The following XPR1 variants were observed in gnomAD, a reference collection of about 807,000 sequenced individuals.
XPR1 encodes the protein solute carrier family 53 member 1.
In XPR1, 28 loss-of-function variants were observed where a neutral mutation model predicts 87.5. The observed-to-expected ratio is 0.32, with a 90% CI of 0.24 to 0.44. XPR1 has a LOEUF of 0.44. Among genes scored for constraint, XPR1 ranks in the 20% least tolerant of loss-of-function variants. The pLI is 1.00. For missense variants in XPR1, 559 were observed against 862.3 expected, an observed-to-expected ratio of 0.65 and a Z score of 4.41; for synonymous variants, 300 against 306.1, an observed-to-expected ratio of 0.98 and a Z score of 0.21.
In XPR1 at chr1:180,728,158, A is replaced by G. The variant is rs535270392; in HGVS notation, c.121+45747A>G. On this transcript the variant is annotated intron_variant, in intron 2 of 14. Coordinates refer to ENST00000367590, the MANE Select transcript of XPR1 (RefSeq NM_004736.4). ...GCAAAAGGATTTACATTTAATATGT[A>G]TTCAGGAGCAATTTTAAAGAAAATT... 3.3e-5 allele frequency among the ~76,000 whole-genome samples: 5 copies of G among 152,272 alleles called. No individual in the cohort carries two copies. The South Asian group carries it at 1.0e-3, about 32-fold the overall frequency.
At chr1:180,697,778 T>G (rs899920970) in intron 2 of XPR1, among the ~76,000 whole-genome samples, 3 of 152,190 alleles carry the variant, frequency 2.0e-5, no homozygotes, top group Non-Finnish European at 2.9e-5. Context: ...TGTTATTGAT[T>G]TATAGTTTTA....
intron 2 of XPR1, among the ~76,000 whole-genome samples, chr1:180,752,430 A>G (rs549106931): frequency 2.0e-5 from 3 of 152,196 alleles, no homozygotes; most frequent in South Asian, 4.1e-4. Context: ...GTATCTCCCT[A>G]TTTTTATCTG....
At chr1:180,659,079 C>T (rs1488479418) in intron 1 of XPR1, among the ~76,000 whole-genome samples, 1 of 151,266 alleles carries the variant, frequency 6.6e-6, no homozygotes, top group Non-Finnish European at 1.5e-5. Context: ...AGTCTTCCTT[C>T]CTTCCTTCCT....
In XPR1 at chr1:180,803,503, A is replaced by G; in HGVS notation, c.339A>G (p.Pro113=). 1 of 1,613,992 alleles carries G rather than the reference A, an allele frequency of 6.2e-7. No homozygotes were observed. The highest frequency in any genetic ancestry group is 8.5e-7 in the Non-Finnish European group (1 of 1,180,000). Residue 113 remains proline (P), a synonymous_variant, in exon 4 of 15, where the codon CCA becomes CCG. Coordinates refer to ENST00000367590, the MANE Select transcript of XPR1 (RefSeq NM_004736.4). ...GVTTLRQRRK[P]VFHLSHEERV... is the part of the protein sequence containing the mutation. ...CTACGCTGCGACAACGCAGAAAGCCAGTCTTCCACTTGTCCCATGAGGAAC... is the reference window on the plus strand; with the variant it reads ...CTACGCTGCGACAACGCAGAAAGCCGGTCTTCCACTTGTCCCATGAGGAAC...
chr1:180,878,852 C>G (rs1248034529), intron 13 of XPR1, among the ~76,000 whole-genome samples: 1 of 152,176 alleles, frequency 6.6e-6, no homozygotes, highest in Admixed American at 6.5e-5. Context: ...CTTCCTCCTC[C>G]CCCCAAACTT....
At chr1:180,668,980 T>C (rs976155677) in intron 1 of XPR1, among the ~76,000 whole-genome samples, 1 of 151,792 alleles carries the variant, frequency 6.6e-6, no homozygotes, top group Non-Finnish European at 1.5e-5. Flanking sequence ...TCCCAGCTAC[T>C]TGGGAGGCTG....
intron 9 of XPR1, among the ~76,000 whole-genome samples, chr1:180,827,205 T>G (rs1374560352): frequency 6.7e-6 from 1 of 149,990 alleles, no homozygotes; most frequent in Non-Finnish European, 1.5e-5. Flanking sequence ...CCCAGGCTTG[T>G]CTCAAACCTC....
chr1:180,795,838 T>TG (rs1649552354), intron 3 of XPR1, among the ~76,000 whole-genome samples: 1 of 152,096 alleles, frequency 6.6e-6, no homozygotes, highest in Non-Finnish European at 1.5e-5. Context: ...GACGGAGTCT[T>TG]GCTTTGTCAC....
intron 1 of XPR1, among the ~76,000 whole-genome samples, chr1:180,681,284 T>C (rs987518538): frequency 6.6e-6 from 1 of 152,242 alleles, no homozygotes; most frequent in African/African-American, 2.4e-5. Flanking sequence ...CTGATCACTA[T>C]AGACCATATG....
chr1:180,828,378 G>A (rs1196027825), intron 9 of XPR1, among the ~76,000 whole-genome samples: 1 of 152,022 alleles, frequency 6.6e-6, no homozygotes, highest in Non-Finnish European at 1.5e-5. Flanking sequence ...ACATCCATTA[G>A]GTTATACTTT....
At chr1:180,761,243 T>C (rs2102052430) in intron 2 of XPR1, among the ~76,000 whole-genome samples, 1 of 152,216 alleles carries the variant, frequency 6.6e-6, no homozygotes, top group East Asian at 1.9e-4. Flanking sequence ...CCAAAAGCAA[T>C]GGCAACAAAA....
At chr1:180,706,209 A>T (rs1169289045) in intron 2 of XPR1, among the ~76,000 whole-genome samples, 2 of 152,214 alleles carry the variant, frequency 1.3e-5, no homozygotes, top group African/African-American at 4.8e-5. Flanking sequence ...TTTAATGCAG[A>T]CTGGATTTAT....
chr1:180,672,829 GGTT>G (rs1210558939), intron 1 of XPR1, among the ~76,000 whole-genome samples: 1 of 151,980 alleles, frequency 6.6e-6, no homozygotes, highest in Non-Finnish European at 1.5e-5. Flanking sequence ...CATTTGGAAA[GGTT>G]GTTCAGATAA....
At chr1:180,880,768 G>A (rs1464894963) in intron 14 of XPR1, among the ~76,000 whole-genome samples, 2 of 152,148 alleles carry the variant, frequency 1.3e-5, no homozygotes, top group African/African-American at 4.8e-5. Context: ...ACTTGGACCA[G>A]TTCCCTCACA....
intron 2 of XPR1, among the ~76,000 whole-genome samples, chr1:180,731,102 T>C (rs935415084): frequency 3.3e-5 from 5 of 152,232 alleles, no homozygotes; most frequent in Admixed American, 2.6e-4. Flanking sequence ...GGTTATGATA[T>C]ACCATTTTAC....
chr1:180,863,223 C>T (rs1652276753), intron 11 of XPR1, among the ~76,000 whole-genome samples: 1 of 152,042 alleles, frequency 6.6e-6, no homozygotes, highest in African/African-American at 2.4e-5. Context: ...TTAGGATTAT[C>T]TGGTTGCCAT....
chr1:180,758,905 T>C (rs995130198), intron 2 of XPR1: 3 of 152,250 alleles, frequency 2.0e-5, no homozygotes, highest in African/African-American at 7.2e-5. Context: ...ACAGAAATTA[T>C]AACAAACTGT....
At chr1:180,755,526 A>T (rs1647700812) in intron 2 of XPR1, among the ~76,000 whole-genome samples, 1 of 152,164 alleles carries the variant, frequency 6.6e-6, no homozygotes, top group Non-Finnish European at 1.5e-5. Flanking sequence ...ACTCATTTAC[A>T]ACTGGTGTAA....
At chr1:180,881,133 A>G (rs1192312081) in intron 14 of XPR1, among the ~76,000 whole-genome samples, 1 of 152,206 alleles carries the variant, frequency 6.6e-6, no homozygotes, top group Non-Finnish European at 1.5e-5. Flanking sequence ...CTGAAAATGC[A>G]AACTTGATCT....
Sources: allele counts gnomAD v4.1 joint callset (sites outside exome capture counted in the v4.1 genomes callset), GRCh38; gene constraint gnomAD v4.1.1; transcripts MANE v1.5; gene names NCBI Gene and HGNC (gene_info 2026-07-23, HGNC 2026-07-21).